The following CST9L variants were observed in gnomAD, a reference collection of about 807,000 sequenced individuals.
CST9L encodes cystatin 9 like, also known as cystatin-9-like.
In CST9L, 17 loss-of-function variants were observed where a neutral mutation model predicts 13.2. That is an observed-to-expected ratio of 1.29 (90% CI 0.88 to 1.93). The LOEUF (loss-of-function observed/expected upper bound fraction) is 1.93. Among genes scored for constraint, CST9L ranks in the 30% most tolerant of loss-of-function variants. CST9L has a pLI of 0.00. For synonymous variants in CST9L, 78 were observed against 69.1 expected (o/e 1.13, Z -0.64); for missense variants, 170 against 170.5 (o/e 1.00, Z 0.02).
intron 1 of CST9L, among the ~76,000 whole-genome samples, chr20:23,566,786 G>C (rs749720493): frequency 6.6e-6 from 1 of 152,188 alleles, no homozygotes; most frequent in Non-Finnish European, 1.5e-5. Flanking sequence ...CGGGAGGGAG[G>C]CTGAGGCAGG....
Position 23,568,345 on chromosome 20 carries a change from C to T in CST9L, c.106G>A (p.Asp36Asn). The T allele has an allele frequency of 1.9e-6, 3 of 1,614,244 alleles. No individual in the cohort carries two copies. Among genetic ancestry groups the T allele is most frequent in the Non-Finnish European group, 1.7e-6 (2 of 1,180,050 alleles). Residue 36 changes from aspartate (D) to asparagine (N), a missense_variant, in exon 1 of 3, where the codon GAC becomes AAC. Coordinates refer to ENST00000376979, the MANE Select transcript of CST9L (RefSeq NM_080610.3). ...IYAWHFHEQRDCDEHNVMARY... is the reference protein window; with the variant it reads ...IYAWHFHEQRNCDEHNVMARY... ...GCCATGACATTGTGTTCATCACAGTCCCTTTGCTCGTGGAAATGCCAGGCA... is the reference window on the plus strand; with the variant it reads ...GCCATGACATTGTGTTCATCACAGTTCCTTTGCTCGTGGAAATGCCAGGCA...
chr20:23,568,368 G>T lies in CST9L; in HGVS notation c.83C>A (p.Ala28Asp). 1 of 1,614,196 alleles carries T rather than the reference G, an allele frequency of 6.2e-7. No homozygotes were observed. Among genetic ancestry groups the T allele is most frequent in the African/African-American group, 1.3e-5 (1 of 75,046 alleles). ...LLGSQILLIYAWHFHEQRDCD... is the reference protein window; with the variant it reads ...LLGSQILLIYDWHFHEQRDCD... Reference sequence around the variant, plus strand: ...GTCCCTTTGCTCGTGGAAATGCCAGGCATAGATCAGCAGGATCTGGGAGCC... The same window carrying T: ...GTCCCTTTGCTCGTGGAAATGCCAGTCATAGATCAGCAGGATCTGGGAGCC... The change falls in exon 1 of 3, where the codon GCC (alanine) becomes GAC (aspartate). Residue 28 changes from alanine (A) to aspartate (D), a missense_variant. Ala to Asp is a moderately radical substitution (Grantham distance 126). Coordinates refer to ENST00000376979, the MANE Select transcript of CST9L (RefSeq NM_080610.3).
chr20:23,568,167 AGCACATGCCAGAT>A, intron 1 of CST9L, 31 bp downstream of exon 1: 1 of 1,611,242 alleles, frequency 6.2e-7, no homozygotes, highest in Non-Finnish European at 8.5e-7. Flanking sequence ...TTCACTGAGC[AGCACATGCCAGAT>A]GCCAGGGCAG....
intron 1 of CST9L, among the ~76,000 whole-genome samples, chr20:23,566,479 C>A (rs1408216265): frequency 2.0e-5 from 3 of 152,146 alleles, no homozygotes; most frequent in African/African-American, 7.2e-5. Flanking sequence ...GGAGCCTCAT[C>A]TAGGGCATGT....
chr20:23,564,894 G>A lies in CST9L; in HGVS notation c.*54C>T. The A allele has an allele frequency of 8.1e-7, 1 of 1,240,170 alleles. No homozygotes were observed. Among genetic ancestry groups the A allele is most frequent in the Non-Finnish European group, 1.2e-6 (1 of 838,410 alleles). 76.8% of individuals were successfully genotyped at this position (1,240,170 alleles called of 1,614,324 possible). ...GAAGAGTCCTCAGGAGAGTAGTGCT[G>A]ATGTCCACGGAATGTGGGAGCAGCA... On this transcript the variant is annotated 3_prime_UTR_variant, in exon 3 of 3. Coordinates refer to ENST00000376979, the MANE Select transcript of CST9L (RefSeq NM_080610.3).
Position 23,564,811 on chromosome 20 carries a change from G to A in CST9L, c.*137C>T. The A allele has an allele frequency of 1.4e-6, 1 of 690,440 alleles. No individual in the cohort carries two copies. The highest frequency in any genetic ancestry group is 2.7e-6 in the Non-Finnish European group (1 of 376,242). The allele number at this position is 690,440 out of a possible 1,614,324, so 42.8% of individuals were successfully genotyped here. On this transcript the variant is annotated 3_prime_UTR_variant, in exon 3 of 3. Coordinates refer to ENST00000376979, the MANE Select transcript of CST9L (RefSeq NM_080610.3). ...TGTGGATTTTCTAAAACACTGATCT[G>A]AGATCTCAAACACATGCAAAATAGG...
rs894028924 is a variant in CST9L at position 23,565,050 on chromosome 20, G to T, written c.355-13C>A. 1 of 1,597,560 alleles carries T rather than the reference G, an allele frequency of 6.3e-7. No individual in the cohort carries two copies. The highest frequency in any genetic ancestry group is 8.6e-7 in the Non-Finnish European group (1 of 1,165,032). On this transcript the variant is annotated splice_polypyrimidine_tract_variant and intron_variant, in intron 2 of 2. Transcript: ENST00000376979. ...AGCAGGTGAAAGTCTGAGAGAACAA[G>T]CACAGGAAGGGACAGTGGGTGAGGG...
Position 23,568,331 on chromosome 20 carries a change from G to T in CST9L, c.120C>A (p.His40Gln). Residue 40 changes from histidine to glutamine, a missense_variant, in exon 1 of 3, where the codon CAC becomes CAA. His to Gln is a conservative substitution (Grantham distance 24, BLOSUM62 0). Coordinates refer to ENST00000376979, the MANE Select transcript of CST9L (RefSeq NM_080610.3). ...CAGGGAGGTAACGAGCCATGACATT[G>T]TGTTCATCACAGTCCCTTTGCTCGT... ...HFHEQRDCDEHNVMARYLPAT... is the reference protein window; with the variant it reads ...HFHEQRDCDEQNVMARYLPAT... The T allele has an allele frequency of 3.1e-6, 5 of 1,614,208 alleles. No individual in the cohort carries two copies. The highest frequency in any genetic ancestry group is 4.2e-6 in the Non-Finnish European group (5 of 1,180,036).
intron 1 of CST9L, among the ~76,000 whole-genome samples, chr20:23,566,975 C>T (rs1989106518): frequency 6.6e-6 from 1 of 152,160 alleles, no homozygotes; most frequent in Admixed American, 6.5e-5. Context: ...CACTTCATTC[C>T]ATCTCCTTTC....
Position 23,568,377 on chromosome 20 carries a change from A to T in CST9L, c.74T>A (p.Leu25Gln). Residue 25 changes from leucine to glutamine, a missense_variant, in exon 1 of 3, where the codon CTG (leucine) becomes CAG (glutamine). Leu to Gln is a moderately radical substitution (Grantham distance 113). Coordinates refer to ENST00000376979, the MANE Select transcript of CST9L (RefSeq NM_080610.3). ...LLLLLGSQIL[L>Q]IYAWHFHEQR... ...CTCGTGGAAATGCCAGGCATAGATC[A>T]GCAGGATCTGGGAGCCTAAGAGAAG... The T allele has an allele frequency of 6.2e-7, 1 of 1,614,194 alleles. No individual in the cohort carries two copies. The highest frequency in any genetic ancestry group is 8.5e-7 in the Non-Finnish European group (1 of 1,180,014).
At chr20:23,566,132 C>T (rs1989092894) in intron 1 of CST9L, 45 bp from the exon 2 acceptor site, 2 of 1,064,242 alleles carry the variant, frequency 1.9e-6, no homozygotes, top group East Asian at 2.4e-5. Flanking sequence ...CTCCTTGTTG[C>T]CCCTAAGTAG....
Position 23,568,191 on chromosome 20 carries a change from G to A in CST9L, c.240+20C>T. ...CAGCACATGCCAGATGCCAGGGCAGGAGGGTACGTGGTCACCAACCTGCTC... is the reference window on the plus strand; with the variant it reads ...CAGCACATGCCAGATGCCAGGGCAGAAGGGTACGTGGTCACCAACCTGCTC... On this transcript the variant is annotated intron_variant, in intron 1 of 2. Coordinates refer to ENST00000376979, the MANE Select transcript of CST9L (RefSeq NM_080610.3). 6.2e-7 allele frequency: 1 copy of A among 1,614,006 alleles called. No homozygotes were observed. Among genetic ancestry groups the A allele is most frequent in the Non-Finnish European group, 8.5e-7 (1 of 1,179,916 alleles).
Position 23,568,426 on chromosome 20 carries a change from C to T in CST9L, c.25G>A (p.Gly9Ser). The change falls in exon 1 of 3, where the codon GGT (glycine) becomes AGT (serine). Residue 9 changes from glycine (G) to serine (S), a missense_variant. Physicochemically the swap from Gly to Ser is moderately conservative, Grantham distance 56. Coordinates refer to ENST00000376979, the MANE Select transcript of CST9L (RefSeq NM_080610.3). ...AGCAGCAGCAGCGCCCAGGACAGAC[C>T]TCCCTTCCACGGCAGGCCCAGCATG... is the stretch of plus-strand genomic sequence containing the variant. MLGLPWKGGLSWALLLLLL... is the reference protein window; with the variant it reads MLGLPWKGSLSWALLLLLL... The T allele has an allele frequency of 1.9e-6, 3 of 1,614,036 alleles. No individual in the cohort carries two copies. The highest frequency in any genetic ancestry group is 2.5e-6 in the Non-Finnish European group (3 of 1,179,976).
At chr20:23,566,199 G>T in intron 1 of CST9L, 112 bp from the exon 2 acceptor site, 2 of 744,264 alleles carry the variant, frequency 2.7e-6, no homozygotes, top group Admixed American at 3.6e-5. Flanking sequence ...CTCCATTAGG[G>T]AGCTTGCCCA....
intron 1 of CST9L, among the ~76,000 whole-genome samples, chr20:23,567,977 G>A (rs1015955293): frequency 2.0e-5 from 3 of 152,018 alleles, no homozygotes; most frequent in Admixed American, 6.5e-5. Flanking sequence ...ATAAAAAGAT[G>A]GAGATTAAAC....
chr20:23,566,826 T>G (rs1989103538), intron 1 of CST9L, among the ~76,000 whole-genome samples: 1 of 152,088 alleles, frequency 6.6e-6, no homozygotes. Context: ...AGGCAGAGGT[T>G]GCAGGGAGCT....
rs113667569 is a variant in CST9L, at chr20:23,568,282, T to C, written c.169A>G (p.Thr57Ala). 2.1e-3 allele frequency: 3,352 copies of C among 1,614,144 alleles called. 67 individuals carry two copies. In the African/African-American group the frequency reaches 0.036, roughly 17 times the overall value. Residue 57 changes from threonine to alanine, a missense_variant, in exon 1 of 3, where the codon ACA becomes GCA. By Grantham distance (58) the Thr-to-Ala change is moderately conservative. Coordinates refer to ENST00000376979, the MANE Select transcript of CST9L (RefSeq NM_080610.3). ...LPATVEFAVHTFNQQSKDYYA... is the reference protein window; with the variant it reads ...LPATVEFAVHAFNQQSKDYYA... ...TAGTCCTTGCTCTGTTGGTTGAATG[T>C]GTGGACAGCAAACTCCACTGTGGCA...
At chr20:23,567,005 C>T (rs1208302285) in intron 1 of CST9L, among the ~76,000 whole-genome samples, 1 of 152,190 alleles carries the variant, frequency 6.6e-6, no homozygotes, top group African/African-American at 2.4e-5. Flanking sequence ...GTCCATTTCC[C>T]CAACTCCAAA....
chr20:23,568,403 C>T lies in CST9L; in HGVS notation c.48G>A (p.Leu16=). The T allele has an allele frequency of 6.2e-7, 1 of 1,614,142 alleles. No homozygotes were observed. Among genetic ancestry groups the T allele is most frequent in the African/African-American group, 1.3e-5 (1 of 75,056 alleles). The change falls in exon 1 of 3, where the codon CTG becomes CTA. Residue 16 remains leucine, a synonymous_variant. Transcript: ENST00000376979. ...WKGGLSWALL[L]LLLGSQILLI... ...GCAGGATCTGGGAGCCTAAGAGAAG[C>T]AGCAGCAGCGCCCAGGACAGACCTC... is the stretch of plus-strand genomic sequence containing the variant.
Sources: gnomAD v4.1 joint callset for allele counts (sites outside exome capture counted in the v4.1 genomes callset) on GRCh38, gnomAD v4.1.1 for gene constraint, MANE v1.5 for transcripts, NCBI Gene and HGNC (gene_info 2026-07-23, HGNC 2026-07-21) for gene names.